DSG4: variants seen among roughly 807,000 people sequenced by gnomAD.
The protein encoded by DSG4 is desmoglein 4, also known as desmoglein-4.
Under a neutral mutation model 93.1 loss-of-function variants are expected in DSG4, and 87 were observed. That is an observed-to-expected ratio of 0.93 (90% confidence interval 0.79 to 1.12). The LOEUF (loss-of-function observed/expected upper bound fraction) is 1.12. Among genes scored for constraint, DSG4 ranks in the 50% most tolerant of loss-of-function variants. DSG4 has a pLI of 0.00. For missense variants in DSG4, 1,373 were observed against 1,285.7 expected, an observed-to-expected ratio of 1.07 and a Z score of -1.04; for synonymous variants, 432 against 452.9, an observed-to-expected ratio of 0.95 and a Z score of 0.59.
At chr18:31,378,861 A>C (rs2072104786) in intron 1 of DSG4, among the ~76,000 whole-genome samples, 1 of 152,150 alleles carries the variant, frequency 6.6e-6, no homozygotes, top group Non-Finnish European at 1.5e-5. Context: ...AGACATGCCT[A>C]CTTCTCTTTA....
intron 15 of DSG4, among the ~76,000 whole-genome samples, chr18:31,411,692 C>T (rs1036153967): frequency 1.3e-5 from 2 of 152,140 alleles, no homozygotes; most frequent in African/African-American, 4.8e-5. Flanking sequence ...CATCATTCTC[C>T]ACTTCCCTTT....
chr18:31,399,571 A>G (rs770082391), intron 9 of DSG4, 28 bp downstream of exon 9: 29 of 1,613,292 alleles, frequency 1.8e-5, no homozygotes, highest in East Asian at 4.5e-5. Flanking sequence ...TTCATGTTCT[A>G]TGGTTCTATC....
At chr18:31,387,633 A>G (rs1359075183) in intron 3 of DSG4, among the ~76,000 whole-genome samples, 4 of 152,048 alleles carry the variant, frequency 2.6e-5, no homozygotes, top group African/African-American at 9.7e-5. Flanking sequence ...GTTTTCTTCT[A>G]TGTAAAAAGG....
chr18:31,393,759 T>C (rs1392187355), intron 8 of DSG4, among the ~76,000 whole-genome samples: 1 of 152,194 alleles, frequency 6.6e-6, no homozygotes, highest in East Asian at 1.9e-4. Flanking sequence ...GAAGCAAACA[T>C]ATCGTTTATT....
intron 3 of DSG4, 122 bp downstream of exon 3, chr18:31,386,941 G>T (rs942125731): frequency 4.0e-6 from 6 of 1,489,124 alleles, no homozygotes; most frequent in South Asian, 1.2e-5. Flanking sequence ...GTGGTCATTT[G>T]CTCCAGTTGC....
rs765172971 is a variant in DSG4, at chr18:31,403,454, GAGGTTC to G, written c.1457_1462del (p.Glu486_Pro488delinsAla). The stretch of plus-strand genomic sequence containing the variant: ...AACAGCTACAGGAACCATATGTATT[GAGGTTC>G]CTGATATCAATGATTATTGTCCAAA... On this transcript the variant is annotated inframe_deletion, in exon 11 of 16. Coordinates refer to ENST00000308128, the MANE Select transcript of DSG4 (RefSeq NM_177986.5). 1.2e-6 allele frequency: 2 copies of G among 1,613,650 alleles called. No individual in the cohort carries two copies. The highest frequency in any genetic ancestry group is 2.2e-5 in the South Asian group (2 of 91,004).
At chr18:31,385,452 C>T (rs1236293029) in intron 2 of DSG4, among the ~76,000 whole-genome samples, 1 of 152,124 alleles carries the variant, frequency 6.6e-6, no homozygotes, top group African/African-American at 2.4e-5. Context: ...AAAGCAAAAG[C>T]AGCAAAGTGA....
chr18:31,391,271 T>C (rs1047347948), intron 7 of DSG4, 59 bp downstream of exon 7: 1 of 1,606,954 alleles, frequency 6.2e-7, no homozygotes. Flanking sequence ...TTTGCATAAG[T>C]GTCAATAATC....
chr18:31,389,066 C>T (rs2072221824), intron 5 of DSG4, 48 bp downstream of exon 5: 6 of 1,604,870 alleles, frequency 3.7e-6, no homozygotes, highest in Admixed American at 1.7e-5. Flanking sequence ...ATCTACTTCT[C>T]TTGGTCAAAA....
At chr18:31,392,740 T>G (rs553350147) in intron 8 of DSG4, among the ~76,000 whole-genome samples, 1 of 152,308 alleles carries the variant, frequency 6.6e-6, no homozygotes, top group Non-Finnish European at 1.5e-5. Flanking sequence ...TGAGCTAGAT[T>G]TGTCTGAAAA....
At position 31,406,379 on chromosome 18, in the gene DSG4, T is replaced by C; in HGVS notation, c.1933+6T>C. On this transcript the variant is annotated splice_donor_region_variant and intron_variant, in intron 12 of 15. Coordinates refer to ENST00000308128, the MANE Select transcript of DSG4 (RefSeq NM_177986.5). ...GGGCATCCTGCTACTGATTTGTAAG[T>C]ACTCAATTAAATCCTTCTTTTCAAT... 6.2e-7 allele frequency: 1 copy of C among 1,614,106 alleles called. No homozygotes were observed. Among genetic ancestry groups the C allele is most frequent in the Non-Finnish European group, 8.5e-7 (1 of 1,180,026 alleles).
Position 31,391,059 on chromosome 18 carries a change from C to A in DSG4, c.685-19C>A. ...CAAGACAAAACCTAAGTCTTACGTT[C>A]TTTTTCATCTTGATTAAGCAACACA... On this transcript the variant is annotated intron_variant, in intron 6 of 15. Coordinates refer to ENST00000308128, the MANE Select transcript of DSG4 (RefSeq NM_177986.5). 6.2e-7 allele frequency: 1 copy of A among 1,613,256 alleles called. No homozygotes were observed. The highest frequency in any genetic ancestry group is 8.5e-7 in the Non-Finnish European group (1 of 1,179,592).
intron 11 of DSG4, among the ~76,000 whole-genome samples, chr18:31,404,656 A>C (rs1277013632): frequency 6.6e-6 from 1 of 152,208 alleles, no homozygotes; most frequent in East Asian, 1.9e-4. Flanking sequence ...ACCACCAATA[A>C]AGTAAGAAAT....
intron 5 of DSG4, 83 bp from the exon 6 acceptor site, chr18:31,390,573 C>A: frequency 6.5e-7 from 1 of 1,535,886 alleles, no homozygotes. Context: ...AGAAGGCCAA[C>A]CACTCTGTCT....
At chr18:31,377,141 A>G (rs2072086080) in intron 1 of DSG4, among the ~76,000 whole-genome samples, 182 bp downstream of exon 1, 1 of 152,208 alleles carries the variant, frequency 6.6e-6, no homozygotes, top group Non-Finnish European at 1.5e-5. Flanking sequence ...AAAATGCCAT[A>G]GAGAAGCGGG....
chr18:31,379,831 T>G (rs1216550629), intron 1 of DSG4, among the ~76,000 whole-genome samples: 7 of 152,202 alleles, frequency 4.6e-5, no homozygotes. Context: ...CAGGCAGATT[T>G]CCAGAAATAT....
Position 31,413,559 on chromosome 18 carries a change from A to G in DSG4, c.3087A>G (p.Val1029=), listed in dbSNP as rs1272193524. The G allele has an allele frequency of 5.0e-6, 8 of 1,614,018 alleles. No individual in the cohort carries two copies. The highest frequency in any genetic ancestry group is 6.8e-6 in the Non-Finnish European group (8 of 1,180,036). The change falls in exon 16 of 16, where the codon GTA becomes GTG. Residue 1029 remains valine (V), a synonymous_variant. Transcript: ENST00000308128. ...STSPMTSRHR[V]TRYSNIHYTQ... ...CCCCCATGACATCTCGACACAGAGT[A>G]ACACGATACAGTAACATACATTACA...
At position 31,393,478 on chromosome 18, in the gene DSG4, A is replaced by G. The variant is rs894124841; in HGVS notation, c.1005+1138A>G. The stretch of plus-strand genomic sequence containing the variant: ...TGGAAGGCAAAGGGGGAGCCAGTGC[A>G]TCACATGACAAGGGCAGTAGCAGAA... On this transcript the variant is annotated intron_variant, in intron 8 of 15. Coordinates refer to ENST00000308128, the MANE Select transcript of DSG4 (RefSeq NM_177986.5). Among the ~76,000 whole-genome samples, 3 of 152,174 alleles carry G rather than the reference A, an allele frequency of 2.0e-5. No individual in the cohort carries two copies. In the East Asian group the frequency reaches 5.8e-4, roughly 29 times the overall value.
chr18:31,399,862 A>G (rs1428537047), intron 9 of DSG4, among the ~76,000 whole-genome samples: 1 of 152,160 alleles, frequency 6.6e-6, no homozygotes, highest in Non-Finnish European at 1.5e-5. Context: ...GGGGCTGATT[A>G]AGCCATATTG....
Sources: gnomAD v4.1 joint callset for allele counts (sites outside exome capture counted in the v4.1 genomes callset) on GRCh38, gnomAD v4.1.1 for gene constraint, MANE v1.5 for transcripts, NCBI Gene and HGNC (gene_info 2026-07-23, HGNC 2026-07-21) for gene names.